The following FOXN2 variants were observed in gnomAD, a reference collection of about 807,000 sequenced individuals.
The protein encoded by FOXN2 is forkhead box protein N2.
Under a neutral mutation model 41.2 loss-of-function variants are expected in FOXN2, and 19 were observed. The ratio of observed to expected loss-of-function variants is 0.46; its 90% confidence interval spans 0.32 to 0.68. The LOEUF is 0.68. Among genes scored for constraint, FOXN2 ranks in the 30% least tolerant of loss-of-function variants. The pLI is 0.03. For missense variants in FOXN2, 587 were observed against 509.4 expected, an observed-to-expected ratio of 1.15 and a Z score of -1.47; for synonymous variants, 195 against 176.8, an observed-to-expected ratio of 1.10 and a Z score of -0.82.
chr2:48,346,727 G>A lies in FOXN2; in HGVS notation c.513G>A (p.Gln171=), dbSNP rs1047630459. Reference sequence around the variant, plus strand: ...ATCTGTCCCTGAATAAATGTTTTCAGAAAGTGGAAAGAAGCCATGGCAAGG... The same window carrying A: ...ATCTGTCCCTGAATAAATGTTTTCAAAAAGTGGAAAGAAGCCATGGCAAGG... ...RHNLSLNKCF[Q]KVERSHGKVN... is the part of the protein sequence containing the mutation. Residue 171 remains glutamine (Q), a synonymous_variant, in exon 3 of 7, where the codon CAG becomes CAA. Coordinates refer to ENST00000340553, the MANE Select transcript of FOXN2 (RefSeq NM_002158.4). 6.3e-7 allele frequency: 1 copy of A among 1,592,932 alleles called. No homozygotes were observed. Among genetic ancestry groups the A allele is most frequent in the Non-Finnish European group, 8.5e-7 (1 of 1,172,650 alleles).
intron 1 of FOXN2, among the ~76,000 whole-genome samples, chr2:48,316,930 G>A (rs1316572894): frequency 9.9e-6 from 1 of 100,718 alleles, no homozygotes; most frequent in Non-Finnish European, 2.0e-5. Flanking sequence ...CCATAACAAT[G>A]GTGCTCAATC....
At chr2:48,325,173 A>AT (rs1669579222) in intron 1 of FOXN2, among the ~76,000 whole-genome samples, 1 of 152,186 alleles carries the variant, frequency 6.6e-6, no homozygotes. Flanking sequence ...CTAGTGTAGC[A>AT]GTGAATAGTG....
chr2:48,321,917 G>A (rs1318472164), intron 1 of FOXN2, among the ~76,000 whole-genome samples: 1 of 152,152 alleles, frequency 6.6e-6, no homozygotes, highest in Admixed American at 6.5e-5. Context: ...AGAACTGTAA[G>A]CAAATAATTA....
At chr2:48,355,341 A>G (rs1671721948) in intron 3 of FOXN2, among the ~76,000 whole-genome samples, 1 of 152,192 alleles carries the variant, frequency 6.6e-6, no homozygotes, top group African/African-American at 2.4e-5. Context: ...TTTGATAACG[A>G]AAAGGAGAGA....
chr2:48,358,930 A>G, intron 3 of FOXN2, 117 bp from the exon 4 acceptor site: 1 of 704,544 alleles, frequency 1.4e-6, no homozygotes, highest in Non-Finnish European at 2.3e-6. Flanking sequence ...CTTCAACCTT[A>G]GTTTCATACT....
chr2:48,321,009 T>C (rs147740421), intron 1 of FOXN2, among the ~76,000 whole-genome samples: 1 of 147,750 alleles, frequency 6.8e-6, no homozygotes, highest in East Asian at 2.0e-4. Context: ...TTTTCTCTCC[T>C]TTTTTTTTTA....
chr2:48,352,250 T>C (rs1671496650), intron 3 of FOXN2, among the ~76,000 whole-genome samples: 1 of 152,238 alleles, frequency 6.6e-6, no homozygotes, highest in African/African-American at 2.4e-5. Flanking sequence ...ATAGTTTCAG[T>C]GAAGATGTGG....
chr2:48,363,817 C>G (rs987360470), intron 5 of FOXN2, among the ~76,000 whole-genome samples: 1 of 152,168 alleles, frequency 6.6e-6, no homozygotes, highest in African/African-American at 2.4e-5. Context: ...GTAGGCTATA[C>G]CATTTAGGTT....
At chr2:48,363,454 T>C (rs1672331898) in intron 5 of FOXN2, among the ~76,000 whole-genome samples, 1 of 152,092 alleles carries the variant, frequency 6.6e-6, no homozygotes, top group Non-Finnish European at 1.5e-5. Context: ...AATTAAAAAA[T>C]CAATTTAGTG....
chr2:48,349,254 G>C (rs904006110), intron 3 of FOXN2, among the ~76,000 whole-genome samples: 4 of 152,160 alleles, frequency 2.6e-5, no homozygotes, highest in Non-Finnish European at 5.9e-5. Flanking sequence ...GGGAGGCTGA[G>C]ACAGGTGGAT....
intron 1 of FOXN2, among the ~76,000 whole-genome samples, chr2:48,315,714 C>T (rs1194687119): frequency 6.6e-6 from 1 of 152,190 alleles, no homozygotes; most frequent in African/African-American, 2.4e-5. Flanking sequence ...CACTACTTAA[C>T]TCCACCCCCT....
intron 5 of FOXN2, among the ~76,000 whole-genome samples, chr2:48,372,094 C>T (rs1672935352): frequency 6.6e-6 from 1 of 152,158 alleles, no homozygotes; most frequent in Non-Finnish European, 1.5e-5. Context: ...AAGTGAGCAT[C>T]CTTTTCTTGT....
chr2:48,344,360 T>C (rs779061108), intron 2 of FOXN2, among the ~76,000 whole-genome samples: 9 of 152,192 alleles, frequency 5.9e-5, no homozygotes, highest in Non-Finnish European at 1.2e-4. Context: ...AGAATGCTGT[T>C]AAGATTTAAA....
At position 48,356,297 on chromosome 2, in the gene FOXN2, C is replaced by T. The variant is rs377724158; in HGVS notation, c.538-2750C>T. ...CTCTACTAAAAATACAAAAATTAGC[C>T]GGGCATGGTGGTGCACACCTGTAAT... On this transcript the variant is annotated intron_variant, in intron 3 of 6. Coordinates refer to ENST00000340553, the MANE Select transcript of FOXN2 (RefSeq NM_002158.4). Among the ~76,000 whole-genome samples, 142 of 151,952 alleles carry T rather than the reference C, an allele frequency of 9.3e-4. 2 individuals are homozygous for T. The South Asian group carries it at 0.018, about 20-fold the overall frequency.
chr2:48,322,293 C>CT (rs1031578457), intron 1 of FOXN2, among the ~76,000 whole-genome samples: 112 of 149,114 alleles, frequency 7.5e-4, no homozygotes, highest in African/African-American at 2.0e-3. Context: ...TTCCTAAATT[C>CT]TTTTTTTTTT....
Position 48,326,095 on chromosome 2 carries a change from C to G in FOXN2, c.-156-2466C>G, listed in dbSNP as rs562094202. On this transcript the variant is annotated intron_variant, in intron 1 of 6. Transcript: ENST00000340553. The stretch of plus-strand genomic sequence containing the variant: ...AAACTTCTGGCCTCAAATGATCTGC[C>G]TGCCTTGGCCTACCAGATTGCTGGG... Among the ~76,000 whole-genome samples the G allele has an allele frequency of 1.4e-4, 22 of 152,258 alleles. No individual in the cohort carries two copies. The South Asian group carries it at 4.1e-3, about 29-fold the overall frequency.
In FOXN2 at chr2:48,321,730, T is replaced by TA. The variant is rs201349796; in HGVS notation, c.-156-6822dup. Among the ~76,000 whole-genome samples, 442 of 151,284 alleles carry TA rather than the reference T, an allele frequency of 2.9e-3. 5 individuals are homozygous for TA. The highest frequency in any genetic ancestry group is 0.01 in the African/African-American group (422 of 41,148). On this transcript the variant is annotated intron_variant, in intron 1 of 6. Coordinates refer to ENST00000340553, the MANE Select transcript of FOXN2 (RefSeq NM_002158.4). ...TCATGAAATTGTGACCAGCTTTTAT[T>TA]AAAAAAAAATCTAAAAAAATTTTAG...
rs1437391374 is a variant in FOXN2, at chr2:48,357,848, ACTTGT to A, written c.538-1195_538-1191del. ...TTTAATCCAAAAATACATTTGTAAA[ACTTGT>A]CTTTTATTGAAAAAAAAAAAAAAAA... On this transcript the variant is annotated intron_variant, in intron 3 of 6. Coordinates refer to ENST00000340553, the MANE Select transcript of FOXN2 (RefSeq NM_002158.4). 3.0e-4 allele frequency among the ~76,000 whole-genome samples: 44 copies of A among 145,744 alleles called. 1 individual carries two copies. The highest frequency in any genetic ancestry group is 9.9e-4 in the African/African-American group (39 of 39,332).
At chr2:48,348,265 T>C (rs1025602765) in intron 3 of FOXN2, among the ~76,000 whole-genome samples, 4 of 152,184 alleles carry the variant, frequency 2.6e-5, no homozygotes, top group Non-Finnish European at 5.9e-5. Flanking sequence ...GTTTGGATAA[T>C]TTTTATTGAT....
Sources: gnomAD v4.1 joint callset for allele counts (sites outside exome capture counted in the v4.1 genomes callset) on GRCh38, gnomAD v4.1.1 for gene constraint, MANE v1.5 for transcripts, NCBI Gene and HGNC (gene_info 2026-07-23, HGNC 2026-07-21) for gene names.